Variants in NSMAF observed in about 807,000 individuals in gnomAD.
The protein encoded by NSMAF is protein FAN.
NSMAF carries 90 observed loss-of-function variants against 134.9 expected under a neutral mutation model. The ratio of observed to expected loss-of-function variants is 0.67; its 90% CI spans 0.56 to 0.79. NSMAF has a LOEUF of 0.79. Among genes scored for constraint, NSMAF ranks in the 30% least tolerant of loss-of-function variants. NSMAF has a pLI of 0.00. For missense variants in NSMAF, 1,010 were observed against 1,119.0 expected (o/e 0.90, Z 1.39); for synonymous variants, 358 against 389.6 (o/e 0.92, Z 0.96).
intron 26 of NSMAF, chr8:58,588,454 G>A (rs977732387): frequency 6.1e-5 from 76 of 1,238,190 alleles, no homozygotes; most frequent in South Asian, 3.4e-4. Flanking sequence ...GGCAGCACCC[G>A]CAGGTCTAAA....
intron 1 of NSMAF, among the ~76,000 whole-genome samples, chr8:58,652,170 T>A (rs2129148616): frequency 6.6e-6 from 1 of 151,926 alleles, no homozygotes; most frequent in Non-Finnish European, 1.5e-5. Context: ...GAAAAAAAAA[T>A]CTATATCTAG....
intron 9 of NSMAF, among the ~76,000 whole-genome samples, chr8:58,619,821 C>A (rs1173872930): frequency 1.3e-5 from 2 of 152,076 alleles, no homozygotes; most frequent in African/African-American, 2.4e-5. Context: ...CAATTACAAT[C>A]AAAATCCCAG....
chr8:58,659,353 C>A, intron 1 of NSMAF: 1 of 1,526,512 alleles, frequency 6.6e-7, no homozygotes, highest in Non-Finnish European at 8.8e-7. Flanking sequence ...TCATCCAGTT[C>A]CTGTCCCCGG....
chr8:58,616,509 C>T (rs1806657214), intron 9 of NSMAF, among the ~76,000 whole-genome samples: 1 of 151,966 alleles, frequency 6.6e-6, no homozygotes, highest in South Asian at 2.1e-4. Flanking sequence ...AAAATATGAT[C>T]ATGTCAATGA....
At position 58,659,617 on chromosome 8, in the gene NSMAF, C is replaced by G; in HGVS notation, c.15G>C (p.Arg5=). The G allele has an allele frequency of 6.7e-7, 1 of 1,485,458 alleles. No individual in the cohort carries two copies. Among genetic ancestry groups the G allele is most frequent in the South Asian group, 1.3e-5 (1 of 74,754 alleles). The allele number at this position is 1,485,458 out of a possible 1,614,324, so 92.0% of individuals were successfully genotyped here. The change falls in exon 1 of 31, where the codon CGG becomes CGC. Residue 5 remains arginine, a synonymous_variant. Transcript: ENST00000038176. MAFI[R]KKQQEQQLQL... ...GCAGCTGCTGCTCCTGCTGCTTCTT[C>G]CGGATAAACGCCATGGAGGGTAGGC...
At chr8:58,639,081 G>A (rs1807269168) in intron 2 of NSMAF, among the ~76,000 whole-genome samples, 1 of 151,722 alleles carries the variant, frequency 6.6e-6, no homozygotes, top group Admixed American at 6.6e-5. Flanking sequence ...TCAGGAGATC[G>A]ACACCATCCT....
intron 1 of NSMAF, among the ~76,000 whole-genome samples, chr8:58,643,547 T>G (rs1020640958): frequency 1.3e-5 from 2 of 151,990 alleles, no homozygotes; most frequent in African/African-American, 4.8e-5. Flanking sequence ...TTTTTTTTTT[T>G]TTGGGACGGA....
chr8:58,588,922 T>C (rs1805957199), intron 26 of NSMAF, among the ~76,000 whole-genome samples: 2 of 152,068 alleles, frequency 1.3e-5, no homozygotes, highest in Non-Finnish European at 2.9e-5. Context: ...CACAATGGAA[T>C]ACACAGTACA....
chr8:58,604,969 T>A (rs538471772), intron 12 of NSMAF, among the ~76,000 whole-genome samples: 2 of 152,260 alleles, frequency 1.3e-5, no homozygotes, highest in Non-Finnish European at 2.9e-5. Context: ...GGTCTCGAAC[T>A]CCTGGGCTCA....
At chr8:58,627,392 C>T (rs1361939831) in intron 6 of NSMAF, among the ~76,000 whole-genome samples, 1 of 151,928 alleles carries the variant, frequency 6.6e-6, no homozygotes, top group East Asian at 1.9e-4. Flanking sequence ...GAAAGGGCAT[C>T]CAAATTGGAA....
chr8:58,644,435 G>A (rs376408301), intron 1 of NSMAF, among the ~76,000 whole-genome samples: 8 of 152,212 alleles, frequency 5.3e-5, no homozygotes, highest in African/African-American at 1.9e-4. Context: ...TCAAGTCACC[G>A]GACTTCCAAA....
At chr8:58,611,175 C>T (rs1044472610) in intron 9 of NSMAF, among the ~76,000 whole-genome samples, 2 of 152,066 alleles carry the variant, frequency 1.3e-5, no homozygotes, top group African/African-American at 2.4e-5. Flanking sequence ...AGAGAAAAGA[C>T]TCTATAGAAG....
Position 58,600,001 on chromosome 8 carries a change from T to A in NSMAF, c.1301A>T (p.Asn434Ile). Residue 434 changes from asparagine to isoleucine, a missense_variant, in exon 17 of 31, where the codon AAC becomes ATC. Physicochemically the swap from Asn to Ile is moderately radical, Grantham distance 149. Coordinates refer to ENST00000038176, the MANE Select transcript of NSMAF (RefSeq NM_003580.4). The part of the protein sequence containing the change: ...MFNSIAETWK[N>I]CLDGATDFKE... Reference sequence around the variant, plus strand: ...AAAATCCGTTGCACCATCCAGACAGTTTTTCCAAGTTTCTGCAATACTACA... The same window carrying A: ...AAAATCCGTTGCACCATCCAGACAGATTTTCCAAGTTTCTGCAATACTACA... 1 of 1,613,768 alleles carries A rather than the reference T, an allele frequency of 6.2e-7. No homozygotes were observed. Among genetic ancestry groups the A allele is most frequent in the East Asian group, 2.2e-5 (1 of 44,878 alleles).
At chr8:58,598,639 A>G (rs996324396) in intron 19 of NSMAF, among the ~76,000 whole-genome samples, 15 of 152,212 alleles carry the variant, frequency 9.9e-5, no homozygotes, top group Non-Finnish European at 2.2e-4. Flanking sequence ...ATATGCTAAA[A>G]TTAGAAGACT....
At chr8:58,617,265 C>T (rs188242864) in intron 9 of NSMAF, among the ~76,000 whole-genome samples, 4 of 152,152 alleles carry the variant, frequency 2.6e-5, no homozygotes, top group Admixed American at 2.0e-4. Context: ...GACTTCATGA[C>T]TAAAACACGA....
At chr8:58,610,285 A>G (rs1806499628) in intron 9 of NSMAF, among the ~76,000 whole-genome samples, 1 of 152,212 alleles carries the variant, frequency 6.6e-6, no homozygotes, top group Non-Finnish European at 1.5e-5. Context: ...CACTCCTAAA[A>G]TATTTAATCA....
Position 58,602,075 on chromosome 8 carries a change from G to A in NSMAF, c.1108C>T (p.Arg370Trp), listed in dbSNP as rs375678871. The stretch of plus-strand genomic sequence containing the variant: ...CCACATACCAGTAGTCTCTCCAGCC[G>A]TTCCTTATTTAGGGCCCCTACTGGC... ...SKPVGALNKE[R>W]LERLLTRYQE... Residue 370 changes from arginine (R) to tryptophan (W), a missense_variant, in exon 14 of 31, where the codon CGG becomes TGG. Transcript: ENST00000038176. 27 of 1,612,890 alleles carry A rather than the reference G, an allele frequency of 1.7e-5. No homozygotes were observed. Among genetic ancestry groups the A allele is most frequent in the South Asian group, 3.3e-5 (3 of 91,040 alleles).
At chr8:58,611,596 C>G (rs1318270841) in intron 9 of NSMAF, among the ~76,000 whole-genome samples, 1 of 151,968 alleles carries the variant, frequency 6.6e-6, no homozygotes. Flanking sequence ...TGAAAAAGAA[C>G]CAAACGGAAA....
intron 26 of NSMAF, 134 bp from the exon 27 acceptor site, chr8:58,587,835 C>G: frequency 2.9e-6 from 2 of 700,510 alleles, no homozygotes. Context: ...GCACAGTGCT[C>G]CAGCTCCTCC....
Sources: gnomAD v4.1 joint callset for allele counts (sites outside exome capture counted in the v4.1 genomes callset) on GRCh38, gnomAD v4.1.1 for gene constraint, MANE v1.5 for transcripts, NCBI Gene and HGNC (gene_info 2026-07-23, HGNC 2026-07-21) for gene names.